MED30: variants seen among roughly 807,000 people sequenced by gnomAD.
The protein encoded by MED30 is mediator of RNA polymerase II transcription subunit 30.
A neutral mutation model predicts 21.7 loss-of-function variants in MED30; 8 were observed. That is an observed-to-expected ratio of 0.37 (90% CI 0.22 to 0.67). MED30 has a LOEUF of 0.67. Ranked by LOEUF, MED30 falls within the 30% of genes least tolerant of loss-of-function variation. MED30 has a pLI of 0.58. For synonymous variants in MED30, 79 were observed against 86.7 expected, an observed-to-expected ratio of 0.91 and a Z score of 0.49; for missense variants, 203 against 228.2, an observed-to-expected ratio of 0.89 and a Z score of 0.71.
rs558691496 is a variant in MED30, at chr8:117,529,957, T to C, written c.337-766T>C. Reference sequence around the variant, plus strand: ...GTGAGTTTATATATATCCCAAGAATTTGAAGAAGTTTTATCAGGTGAATCC... The same window carrying C: ...GTGAGTTTATATATATCCCAAGAATCTGAAGAAGTTTTATCAGGTGAATCC... On this transcript the variant is annotated intron_variant, in intron 2 of 3. Transcript: ENST00000297347. Among the ~76,000 whole-genome samples the C allele has an allele frequency of 3.9e-5, 6 of 152,006 alleles. No homozygotes were observed. In the East Asian group the frequency reaches 1.2e-3, roughly 29 times the overall value.
chr8:117,524,876 G>T (rs766147240), intron 1 of MED30, among the ~76,000 whole-genome samples: 4 of 151,952 alleles, frequency 2.6e-5, no homozygotes, highest in Admixed American at 6.6e-5. Flanking sequence ...GCTTTTTTCA[G>T]TTGATATATT....
At chr8:117,528,971 A>G in intron 2 of MED30, 162 bp downstream of exon 2, 1 of 443,590 alleles carries the variant, frequency 2.3e-6, no homozygotes, top group Non-Finnish European at 3.9e-6. Flanking sequence ...ATATATATGC[A>G]TAAAATACTA....
At position 117,520,766 on chromosome 8, in the gene MED30, G is replaced by T. The variant is rs1818593312; in HGVS notation, c.-111G>T. On this transcript the variant is annotated 5_prime_UTR_variant, in exon 1 of 4. Coordinates refer to ENST00000297347, the MANE Select transcript of MED30 (RefSeq NM_080651.4). ...GGCCGCTGTTTTGAAATCGGGCCGCGGGGGGTCTCTCAAGCTGGTTCCAAC... is the reference window on the plus strand; with the variant it reads ...GGCCGCTGTTTTGAAATCGGGCCGCTGGGGGTCTCTCAAGCTGGTTCCAAC... The T allele has an allele frequency of 4.5e-6, 5 of 1,114,156 alleles. No individual in the cohort carries two copies. Among genetic ancestry groups the T allele is most frequent in the Non-Finnish European group, 4.9e-6 (4 of 815,774 alleles). The allele number at this position is 1,114,156 out of a possible 1,614,324, so 69.0% of individuals were successfully genotyped here.
intron 3 of MED30, among the ~76,000 whole-genome samples, chr8:117,536,714 A>G (rs1166436412): frequency 6.6e-6 from 1 of 152,224 alleles, no homozygotes; most frequent in Non-Finnish European, 1.5e-5. Flanking sequence ...GTTTATTTAA[A>G]TACTTTTCAT....
chr8:117,528,834 A>G (rs1818757973), intron 2 of MED30, 25 bp downstream of exon 2: 2 of 1,570,870 alleles, frequency 1.3e-6, no homozygotes, highest in African/African-American at 1.4e-5. Flanking sequence ...TAGAGGGAGG[A>G]TGAATATAAG....
intron 3 of MED30, among the ~76,000 whole-genome samples, chr8:117,534,595 A>G (rs913950563): frequency 7.2e-5 from 11 of 152,122 alleles, no homozygotes; most frequent in Non-Finnish European, 1.5e-4. Flanking sequence ...GCTAAACTCT[A>G]TTTCTGTGGG....
At chr8:117,537,016 G>A (rs1402253338) in intron 3 of MED30, among the ~76,000 whole-genome samples, 1 of 152,248 alleles carries the variant, frequency 6.6e-6, no homozygotes, top group East Asian at 1.9e-4. Flanking sequence ...TGGCCTGTGG[G>A]CCACAGTTGG....
chr8:117,534,850 G>GTTTTTTTTTTTTT (rs3040827), intron 3 of MED30, among the ~76,000 whole-genome samples: 1 of 121,046 alleles, frequency 8.3e-6, no homozygotes, highest in African/African-American at 3.1e-5. Flanking sequence ...CAAACAAATT[G>GTTTTTTTTTTTTT]TTTTTTTTTT....
In MED30 at chr8:117,520,757, T is replaced by A; in HGVS notation, c.-120T>A. ...GGAAGTCGCGGCCGCTGTTTTGAAA[T>A]CGGGCCGCGGGGGGTCTCTCAAGCT... On this transcript the variant is annotated 5_prime_UTR_variant, in exon 1 of 4. Coordinates refer to ENST00000297347, the MANE Select transcript of MED30 (RefSeq NM_080651.4). The A allele has an allele frequency of 9.7e-6, 10 of 1,036,022 alleles. No homozygotes were observed. Among genetic ancestry groups the A allele is most frequent in the Admixed American group, 3.1e-5 (1 of 32,402 alleles). 64.2% of individuals were successfully genotyped at this position (1,036,022 alleles called of 1,614,324 possible).
In MED30 at chr8:117,530,794, T is replaced by A. The variant is rs201674808; in HGVS notation, c.408T>A (p.Ser136Arg). 427 of 1,611,964 alleles carry A rather than the reference T, an allele frequency of 2.6e-4. No homozygotes were observed. The highest frequency in any genetic ancestry group is 3.5e-4 in the Non-Finnish European group (415 of 1,178,750). ...DDRAGPPRFA[S>R]EERREIAEVN... The stretch of plus-strand genomic sequence containing the variant: ...GGGCTGGCCCACCTCGTTTTGCTAG[T>A]GAAGAGAGGCGAGAAATTGCTGAAG... The change falls in exon 3 of 4, where the codon AGT (serine) becomes AGA (arginine). Residue 136 changes from serine (S) to arginine (R), a missense_variant. Ser to Arg is a moderately radical substitution (Grantham distance 110). Coordinates refer to ENST00000297347, the MANE Select transcript of MED30 (RefSeq NM_080651.4).
At chr8:117,530,467 G>A (rs1818778140) in intron 2 of MED30, 1 of 274,088 alleles carries the variant, frequency 3.6e-6, no homozygotes, top group Middle Eastern at 1.1e-3. Context: ...TCTTCCTGCT[G>A]GAAGTATTGT....
At position 117,530,834 on chromosome 8, in the gene MED30, T is replaced by C; in HGVS notation, c.441+7T>C. ...AATTGCTGAAGTAAATAAAGTGAGTTGTTAGTTTTTACATTTTATGTTTTA... is the reference window on the plus strand; with the variant it reads ...AATTGCTGAAGTAAATAAAGTGAGTCGTTAGTTTTTACATTTTATGTTTTA... On this transcript the variant is annotated splice_region_variant and intron_variant, in intron 3 of 3. Transcript: ENST00000297347. 1 of 1,591,710 alleles carries C rather than the reference T, an allele frequency of 6.3e-7. No homozygotes were observed. Among genetic ancestry groups the C allele is most frequent in the Non-Finnish European group, 8.6e-7 (1 of 1,162,956 alleles).
intron 2 of MED30, chr8:117,530,420 TTTTTA>T (rs989786298): frequency 5.2e-5 from 9 of 172,276 alleles, no homozygotes; most frequent in Non-Finnish European, 8.6e-5. Context: ...TTTTTTTAAA[TTTTTA>T]TTTTATTTTA....
rs530437309 is a variant in MED30 at position 117,522,069 on chromosome 8, C to G, written c.177+1016C>G. ...TGCTGTTTGAGGGTTCTAGTTTCTC[C>G]TCATCCTCATCAACACCTGTTATGT... On this transcript the variant is annotated intron_variant, in intron 1 of 3. Coordinates refer to ENST00000297347, the MANE Select transcript of MED30 (RefSeq NM_080651.4). Among the ~76,000 whole-genome samples, 8 of 152,278 alleles carry G rather than the reference C, an allele frequency of 5.3e-5. 1 individual carries two copies. In the South Asian group the frequency reaches 1.7e-3, roughly 32 times the overall value.
chr8:117,522,753 T>A (rs1818650036), intron 1 of MED30, among the ~76,000 whole-genome samples: 1 of 151,986 alleles, frequency 6.6e-6, no homozygotes, highest in African/African-American at 2.4e-5. Flanking sequence ...CCAGGAGAAA[T>A]TATGACATTC....
chr8:117,524,326 A>G (rs928161469), intron 1 of MED30, among the ~76,000 whole-genome samples: 13 of 152,276 alleles, frequency 8.5e-5, no homozygotes, highest in South Asian at 8.3e-4. Context: ...CGTCTGTATT[A>G]TTGATCTACG....
In MED30 at chr8:117,530,838, AG is replaced by A. The variant is rs1422646963; in HGVS notation, c.441+12del. The A allele has an allele frequency of 6.3e-7, 1 of 1,581,286 alleles. No homozygotes were observed. On this transcript the variant is annotated intron_variant, in intron 3 of 3. Transcript: ENST00000297347. Reference sequence around the variant, plus strand: ...GCTGAAGTAAATAAAGTGAGTTGTTAGTTTTTACATTTTATGTTTTAGAGTT... The same window carrying A: ...GCTGAAGTAAATAAAGTGAGTTGTTATTTTTACATTTTATGTTTTAGAGTT...
chr8:117,539,005 A>C (rs892431051), intron 3 of MED30, among the ~76,000 whole-genome samples: 6 of 152,012 alleles, frequency 3.9e-5, no homozygotes, highest in African/African-American at 1.5e-4. Flanking sequence ...GACAGTTTAC[A>C]TTTTGTGCCT....
intron 1 of MED30, among the ~76,000 whole-genome samples, chr8:117,526,584 G>A (rs1818723204): frequency 6.6e-6 from 1 of 151,978 alleles, no homozygotes; most frequent in African/African-American, 2.4e-5. Context: ...TCATGAGTGA[G>A]ATGGTTATTG....
Sources: gnomAD v4.1 joint callset for allele counts (sites outside exome capture counted in the v4.1 genomes callset) on GRCh38, gnomAD v4.1.1 for gene constraint, MANE v1.5 for transcripts, NCBI Gene and HGNC (gene_info 2026-07-23, HGNC 2026-07-21) for gene names.